The following COL19A1 variants were observed in gnomAD, a reference collection of about 807,000 sequenced individuals.
COL19A1 encodes collagen type XIX alpha 1 chain, also known as collagen alpha-1(XIX) chain.
In COL19A1, 159 loss-of-function variants were observed where a neutral mutation model predicts 190.2. The observed-to-expected ratio is 0.84, with a 90% CI of 0.73 to 0.95. COL19A1 has a LOEUF of 0.95. Ranked by LOEUF, COL19A1 falls within the 40% of genes least tolerant of loss-of-function variation. The pLI, the probability that COL19A1 is intolerant of heterozygous loss-of-function variation, is 0.00. For missense variants in COL19A1, 1,418 were observed against 1,431.9 expected (o/e 0.99, Z 0.16); for synonymous variants, 509 against 458.9 (o/e 1.11, Z -1.39).
chr6:69,988,229 G>A (rs1776413871), intron 11 of COL19A1, among the ~76,000 whole-genome samples: 1 of 152,164 alleles, frequency 6.6e-6, no homozygotes, highest in Non-Finnish European at 1.5e-5. Context: ...CAAAGGCAGT[G>A]AAAAGGTTAC....
At chr6:70,059,735 A>G (rs769091577) in intron 14 of COL19A1, 13 of 513,664 alleles carry the variant, frequency 2.5e-5, no homozygotes, top group African/African-American at 1.8e-4. Context: ...ACCTATGTAG[A>G]CCTATGCAGA....
intron 18 of COL19A1, among the ~76,000 whole-genome samples, chr6:70,132,273 C>G (rs1248797724): frequency 4.6e-5 from 7 of 152,068 alleles, no homozygotes; most frequent in Admixed American, 4.6e-4. Flanking sequence ...TGGCAAACAC[C>G]TGTGGTCCCA....
intron 9 of COL19A1, among the ~76,000 whole-genome samples, chr6:69,948,643 G>A (rs1180837528): frequency 1.3e-5 from 2 of 151,710 alleles, no homozygotes; most frequent in East Asian, 1.9e-4. Flanking sequence ...TCTAGAAGAA[G>A]AGAGAGTTTC....
At chr6:70,191,078 T>C (rs1766841358) in intron 48 of COL19A1, among the ~76,000 whole-genome samples, 1 of 152,238 alleles carries the variant, frequency 6.6e-6, no homozygotes, top group African/African-American at 2.4e-5. Flanking sequence ...TGAGCAATTG[T>C]GACAATATGG....
chr6:70,135,209 G>C (rs959136901), intron 18 of COL19A1, among the ~76,000 whole-genome samples: 11 of 152,114 alleles, frequency 7.2e-5, no homozygotes, highest in African/African-American at 2.7e-4. Context: ...CACCCTCCAG[G>C]AACCTCTAAA....
chr6:70,146,692 CG>C lies in COL19A1; in HGVS notation c.1805del (p.Arg602LeufsTer19). On this transcript the variant is annotated frameshift_variant, in exon 26 of 51. Coordinates refer to ENST00000620364, the MANE Select transcript of COL19A1 (RefSeq NM_001858.6). LOFTEE classifies it high-confidence loss of function. ...LDGNPGAPGP[R>X]GPKGERGLPG... ...TGGAAATCCTGGAGCACCTGGTCCA[CG>C]TGGGCCAAAGGTATACAAATATTAT... 1 of 1,606,590 alleles carries C rather than the reference CG, an allele frequency of 6.2e-7. No individual in the cohort carries two copies.
chr6:70,079,046 G>A (rs142754486), intron 15 of COL19A1, among the ~76,000 whole-genome samples: 17 of 152,210 alleles, frequency 1.1e-4, no homozygotes, highest in African/African-American at 3.1e-4. Context: ...CAGTGTGGGC[G>A]ACAAAGGAGA....
In COL19A1 at chr6:70,099,795, C is replaced by A. The variant is rs548943170; in HGVS notation, c.1225-2374C>A. ...ATATGTTCCAATTACTTAGCAACCC[C>A]CAAAAATATTTTACCTGCATGTCCA... is the stretch of plus-strand genomic sequence containing the variant. On this transcript the variant is annotated intron_variant, in intron 15 of 50. Transcript: ENST00000620364. 2.0e-5 allele frequency among the ~76,000 whole-genome samples: 3 copies of A among 152,270 alleles called. No individual in the cohort carries two copies. In the South Asian group the frequency reaches 6.2e-4, roughly 32 times the overall value.
intron 10 of COL19A1, 100 bp from the exon 11 acceptor site, chr6:69,962,726 A>T: frequency 1.4e-6 from 1 of 723,438 alleles, no homozygotes; most frequent in Non-Finnish European, 2.2e-6. Flanking sequence ...ATTTACAATT[A>T]CTGATTTTTC....
Position 70,141,919 on chromosome 6 carries a change from G to T in COL19A1, c.1509G>T (p.Gln503His). The T allele has an allele frequency of 6.2e-7, 1 of 1,603,582 alleles. No individual in the cohort carries two copies. The highest frequency in any genetic ancestry group is 1.1e-5 in the South Asian group (1 of 90,864). The change falls in exon 21 of 51, where the codon CAG becomes CAT. Residue 503 changes from glutamine to histidine, a missense_variant. Transcript: ENST00000620364. ...DRGEPGVIGSQGVKGEPGDPG... is the reference protein window; with the variant it reads ...DRGEPGVIGSHGVKGEPGDPG... ...GAGAACCTGGGGTAATAGGATCACA[G>T]GGAGTAAAGGTAATTTCCTGGCATT...
chr6:70,145,722 C>CTTT (rs56306364), intron 25 of COL19A1, among the ~76,000 whole-genome samples: 3,205 of 128,086 alleles, frequency 0.025, 197 homozygotes, highest in African/African-American at 0.088. Flanking sequence ...CTTATTGTTT[C>CTTT]TTTTTTTTTT....
chr6:70,073,773 G>T (rs748178563), intron 15 of COL19A1, among the ~76,000 whole-genome samples: 1 of 152,118 alleles, frequency 6.6e-6, no homozygotes, highest in Non-Finnish European at 1.5e-5. Flanking sequence ...ATGAAGATTG[G>T]TGTCATCACT....
chr6:69,921,284 C>CATATATCAT (rs1202272903), intron 4 of COL19A1, among the ~76,000 whole-genome samples: 1 of 129,140 alleles, frequency 7.7e-6, no homozygotes, highest in Non-Finnish European at 1.5e-5. Context: ...TATCATATAT[C>CATATATCAT]ATATATCATA....
chr6:69,907,484 TA>T (rs1399958761), intron 4 of COL19A1, among the ~76,000 whole-genome samples: 1 of 152,208 alleles, frequency 6.6e-6, no homozygotes, highest in Non-Finnish European at 1.5e-5. Flanking sequence ...TTTTTTTCTG[TA>T]TTTAGGATTA....
At chr6:69,998,663 A>AAAAAC (rs1472872719) in intron 11 of COL19A1, among the ~76,000 whole-genome samples, 1 of 150,292 alleles carries the variant, frequency 6.7e-6, no homozygotes, top group Non-Finnish European at 1.5e-5. Context: ...AAAAAAAAAA[A>AAAAAC]GACAGAAAAA....
At chr6:70,036,170 T>C (rs902770405) in intron 14 of COL19A1, among the ~76,000 whole-genome samples, 3 of 152,224 alleles carry the variant, frequency 2.0e-5, no homozygotes, top group Non-Finnish European at 4.4e-5. Context: ...AATCAGTACC[T>C]ACCCTGAGCA....
intron 48 of COL19A1, among the ~76,000 whole-genome samples, chr6:70,190,956 A>G (rs1051042173): frequency 6.6e-6 from 1 of 152,198 alleles, no homozygotes; most frequent in African/African-American, 2.4e-5. Context: ...AAATCAAAAG[A>G]TATTTCATGA....
intron 11 of COL19A1, among the ~76,000 whole-genome samples, chr6:69,965,794 AC>A (rs1292170396): frequency 3.9e-5 from 6 of 152,008 alleles, no homozygotes; most frequent in African/African-American, 1.2e-4. Context: ...ATCCCACTTC[AC>A]CATCCCTAGC....
At chr6:69,946,461 A>G (rs1045146378) in intron 9 of COL19A1, among the ~76,000 whole-genome samples, 8 of 152,058 alleles carry the variant, frequency 5.3e-5, no homozygotes, top group African/African-American at 1.7e-4. Flanking sequence ...GGTAAATTAC[A>G]AAGCTGAATT....
Sources: allele counts gnomAD v4.1 joint callset (sites outside exome capture counted in the v4.1 genomes callset), GRCh38; gene constraint gnomAD v4.1.1; transcripts MANE v1.5; gene names NCBI Gene and HGNC (gene_info 2026-07-23, HGNC 2026-07-21).